Variants in KCNQ1 observed in about 807,000 individuals in gnomAD.
KCNQ1 encodes the protein potassium voltage-gated channel subfamily Q member 1.
KCNQ1 carries 49 observed loss-of-function variants against 72.4 expected under a neutral mutation model. The observed-to-expected ratio is 0.68, with a 90% CI of 0.54 to 0.86. The LOEUF is 0.86. Ranked by LOEUF, KCNQ1 falls within the 40% of genes least tolerant of loss-of-function variation. KCNQ1 has a pLI of 0.00. For missense variants in KCNQ1, 790 were observed against 945.1 expected (o/e 0.84, Z 2.15); for synonymous variants, 450 against 412.6 (o/e 1.09, Z -1.10).
In KCNQ1 at chr11:2,776,925, A is replaced by G. The variant is rs1403967822; in HGVS notation, c.1686-61A>G. ...CGTCAAGCTGTCTGTCCCACAGACGACAGTGCATCTGCGCAGTGCCAGGGC... is the reference window on the plus strand; with the variant it reads ...CGTCAAGCTGTCTGTCCCACAGACGGCAGTGCATCTGCGCAGTGCCAGGGC... On this transcript the variant is annotated intron_variant, in intron 13 of 15. Coordinates refer to ENST00000155840, the MANE Select transcript of KCNQ1 (RefSeq NM_000218.3). The G allele has an allele frequency of 3.3e-6, 5 of 1,508,764 alleles. No individual in the cohort carries two copies. In the East Asian group the frequency reaches 1.1e-4, roughly 34 times the overall value. 93.5% of individuals were successfully genotyped at this position (1,508,764 alleles called of 1,614,324 possible). A position where few individuals can be genotyped will look rare whatever the true frequency, so the allele number is the denominator to read the frequency against.
chr11:2,546,670 ATTCT>A (rs752656475), intron 2 of KCNQ1, among the ~76,000 whole-genome samples: 22 of 151,898 alleles, frequency 1.4e-4, no homozygotes, highest in Non-Finnish European at 3.1e-4. Context: ...AATTATTTAC[ATTCT>A]TTATTTTTCA....
At chr11:2,705,500 A>C (rs1850893948) in intron 11 of KCNQ1, among the ~76,000 whole-genome samples, 2 of 152,272 alleles carry the variant, frequency 1.3e-5, no homozygotes, top group South Asian at 4.1e-4. Context: ...AAATGAAGTG[A>C]ACTGGGCCTG....
chr11:2,455,305 A>G (rs577632434), intron 1 of KCNQ1, among the ~76,000 whole-genome samples: 7 of 151,708 alleles, frequency 4.6e-5, no homozygotes, highest in South Asian at 4.2e-4. Flanking sequence ...TCACCGTGTT[A>G]GCCAGGATGG....
intron 11 of KCNQ1, among the ~76,000 whole-genome samples, chr11:2,721,337 CTTT>C (rs1851199576): frequency 6.6e-6 from 1 of 152,180 alleles, no homozygotes; most frequent in African/African-American, 2.4e-5. Context: ...CCTCTGCAGC[CTTT>C]GTTCAGAGGC....
intron 15 of KCNQ1, among the ~76,000 whole-genome samples, chr11:2,790,937 T>C (rs1451365403): frequency 6.6e-6 from 1 of 151,952 alleles, no homozygotes; most frequent in Non-Finnish European, 1.5e-5. Context: ...CCTGCTTCTC[T>C]TACCCTCAGC....
rs868627300 is a variant in KCNQ1, at chr11:2,830,516, A to C, written c.1795-17251A>C. Among the ~76,000 whole-genome samples, 5 of 152,086 alleles carry C rather than the reference A, an allele frequency of 3.3e-5. No individual in the cohort carries two copies. The highest frequency in any genetic ancestry group is 7.2e-5 in the African/African-American group (3 of 41,416). ...CCCACACCCCAGTCCCAGTGTCCCA[A>C]GAACCTCTTCCTCCAGCCCCGGGAG... On this transcript the variant is annotated intron_variant, in intron 15 of 15. Transcript: ENST00000155840. This position sits in a 1 kb window ranked among gnomAD's most constrained non-coding sequence, Gnocchi z 7.7.
rs1847770970 is a variant in KCNQ1 at position 2,538,409 on chromosome 11, G to C, written c.477+10391G>C. Among the ~76,000 whole-genome samples, 1 of 152,220 alleles carries C rather than the reference G, an allele frequency of 6.6e-6. No individual in the cohort carries two copies. Among genetic ancestry groups the C allele is most frequent in the African/African-American group, 2.4e-5 (1 of 41,452 alleles). ...GCCCCTCTGTGGGGCCCAGGGCAGA[G>C]GCAGCAGGCAGGCTGTCTCCACCAC... is the stretch of plus-strand genomic sequence containing the variant. On this transcript the variant is annotated intron_variant, in intron 2 of 15. Coordinates refer to ENST00000155840, the MANE Select transcript of KCNQ1 (RefSeq NM_000218.3). The surrounding 1 kb of genome is among the most constrained non-coding windows in gnomAD (Gnocchi z 6.7).
Position 2,813,780 on chromosome 11 carries a change from G to A in KCNQ1, c.1795-33987G>A, listed in dbSNP as rs138727107. Among the ~76,000 whole-genome samples, 15 of 152,196 alleles carry A rather than the reference G, an allele frequency of 9.9e-5. No individual in the cohort carries two copies. In the East Asian group the frequency reaches 1.9e-3, roughly 20 times the overall value. On this transcript the variant is annotated intron_variant, in intron 15 of 15. Coordinates refer to ENST00000155840, the MANE Select transcript of KCNQ1 (RefSeq NM_000218.3). The surrounding 1 kb of genome is among the most constrained non-coding windows in gnomAD (Gnocchi z 4.4). ...CACTGCTTGTGGAAAGAATGAGGGCGGGCACATAGGCCTGGGGTGTGGGGA... is the reference window on the plus strand; with the variant it reads ...CACTGCTTGTGGAAAGAATGAGGGCAGGCACATAGGCCTGGGGTGTGGGGA...
In KCNQ1 at chr11:2,677,344, C is replaced by T. The variant is rs1294102877; in HGVS notation, c.1514+15263C>T. ...TGTCAAATGATTTCTCAAATAGAGA[C>T]TGGGCAGAGTAGACCAGTTAGTTAA... On this transcript the variant is annotated intron_variant, in intron 11 of 15. Coordinates refer to ENST00000155840, the MANE Select transcript of KCNQ1 (RefSeq NM_000218.3). This position sits in a 1 kb window ranked among gnomAD's most constrained non-coding sequence, Gnocchi z 4.5. The T allele has an allele frequency of 2.5e-6, 1 of 398,462 alleles. No individual in the cohort carries two copies. The highest frequency in any genetic ancestry group is 4.4e-6 in the Non-Finnish European group (1 of 226,048). 24.7% of individuals were successfully genotyped at this position (398,462 alleles called of 1,614,324 possible).
In KCNQ1 at chr11:2,746,438, CCCAGGGTCCCAT is replaced by C. The variant is rs1846139345; in HGVS notation, c.1515-22405_1515-22394del. ...GTCTTTTTTCTCTCCCCGGGCCCCA[CCCAGGGTCCCAT>C]GTGACATTCCTCATCCGTCTCCCTG... On this transcript the variant is annotated intron_variant, in intron 11 of 15. Transcript: ENST00000155840. The surrounding 1 kb of genome is among the most constrained non-coding windows in gnomAD (Gnocchi z 5.9). 6.6e-6 allele frequency among the ~76,000 whole-genome samples: 1 copy of C among 152,174 alleles called. No individual in the cohort carries two copies. The highest frequency in any genetic ancestry group is 2.4e-5 in the African/African-American group (1 of 41,444).
chr11:2,507,369 G>A lies in KCNQ1; in HGVS notation c.387-20559G>A, dbSNP rs779835621. 1.3e-5 allele frequency among the ~76,000 whole-genome samples: 2 copies of A among 152,152 alleles called. No individual in the cohort carries two copies. Among genetic ancestry groups the A allele is most frequent in the South Asian group, 2.1e-4 (1 of 4,826 alleles). ...GGTCATCGGGCAGGACACGAGATGC[G>A]CAGGAGGCTGTGACTGAGGTGGCTG... On this transcript the variant is annotated intron_variant, in intron 1 of 15. Transcript: ENST00000155840. The surrounding 1 kb of genome is among the most constrained non-coding windows in gnomAD (Gnocchi z 5.4).
In KCNQ1 at chr11:2,608,898, C is replaced by T. The variant is rs181135470; in HGVS notation, c.1393+20044C>T. On this transcript the variant is annotated intron_variant, in intron 10 of 15. Coordinates refer to ENST00000155840, the MANE Select transcript of KCNQ1 (RefSeq NM_000218.3). The surrounding 1 kb of genome is among the most constrained non-coding windows in gnomAD (Gnocchi z 4.6). ...CACTTCCCTCTCTGTCTTTCCTCCT[C>T]CCCCTCTTTCTTCCTCCCCTTCTTT... 4 of 398,342 alleles carry T rather than the reference C, an allele frequency of 1.0e-5. No individual in the cohort carries two copies. The highest frequency in any genetic ancestry group is 8.2e-5 in the African/African-American group (4 of 48,668). The allele number at this position is 398,342 out of a possible 1,614,324, so 24.7% of individuals were successfully genotyped here.
At chr11:2,639,004 A>G (rs1286001494) in intron 10 of KCNQ1, 1 of 152,182 alleles carries the variant, frequency 6.6e-6, no homozygotes, top group Non-Finnish European at 1.5e-5. Context: ...AGTTGATCAA[A>G]TCGGCTACTG....
chr11:2,603,131 G>A lies in KCNQ1; in HGVS notation c.1393+14277G>A, dbSNP rs1052655675. On this transcript the variant is annotated intron_variant, in intron 10 of 15. Coordinates refer to ENST00000155840, the MANE Select transcript of KCNQ1 (RefSeq NM_000218.3). The surrounding 1 kb of genome is among the most constrained non-coding windows in gnomAD (Gnocchi z 4.1). ...TCAGAGATATTGTGGTTCGGTTCCA[G>A]TACACTGCAATGAAGCAAATATTGC... 2.6e-5 allele frequency among the ~76,000 whole-genome samples: 4 copies of A among 152,172 alleles called. No individual in the cohort carries two copies. The highest frequency in any genetic ancestry group is 5.9e-5 in the Non-Finnish European group (4 of 68,030).
In KCNQ1 at chr11:2,494,407, G is replaced by C. The variant is rs973799699; in HGVS notation, c.387-33521G>C. Among the ~76,000 whole-genome samples, 1 of 152,124 alleles carries C rather than the reference G, an allele frequency of 6.6e-6. No homozygotes were observed. Among genetic ancestry groups the C allele is most frequent in the African/African-American group, 2.4e-5 (1 of 41,416 alleles). Reference sequence around the variant, plus strand: ...TGTTGAATGGGAGTGGTGAGAGAGGGCATCCTTGTCTTGTGCTGGTTTTCA... The same window carrying C: ...TGTTGAATGGGAGTGGTGAGAGAGGCCATCCTTGTCTTGTGCTGGTTTTCA... On this transcript the variant is annotated intron_variant, in intron 1 of 15. Transcript: ENST00000155840. This position sits in a 1 kb window ranked among gnomAD's most constrained non-coding sequence, Gnocchi z 4.6.
chr11:2,831,552 C>G (rs1378897201), intron 15 of KCNQ1, among the ~76,000 whole-genome samples: 1 of 152,102 alleles, frequency 6.6e-6, no homozygotes, highest in African/African-American at 2.4e-5. Flanking sequence ...TGATCCTTCT[C>G]TAGACTTCAG....
intron 11 of KCNQ1, among the ~76,000 whole-genome samples, chr11:2,739,841 G>A (rs1846021707): frequency 6.6e-6 from 1 of 152,248 alleles, no homozygotes; most frequent in African/African-American, 2.4e-5. Flanking sequence ...AAGCCTTTCT[G>A]CAGATGTAGC....
chr11:2,840,505 A>C (rs1474031563), intron 15 of KCNQ1: 2 of 140,210 alleles, frequency 1.4e-5, no homozygotes, highest in East Asian at 8.8e-4. Flanking sequence ...TAGGGGGTAA[A>C]ACACAAATCA....
At chr11:2,778,722 C>G (rs954270834) in intron 15 of KCNQ1, among the ~76,000 whole-genome samples, 1 of 152,242 alleles carries the variant, frequency 6.6e-6, no homozygotes, top group Non-Finnish European at 1.5e-5. Flanking sequence ...GTTATCTTGC[C>G]GAACAGCAAG....
Sources: gnomAD v4.1 joint callset for allele counts (sites outside exome capture counted in the v4.1 genomes callset) on GRCh38, gnomAD v4.1.1 for gene constraint, Gnocchi (gnomAD v3.1) non-coding constraint, MANE v1.5 for transcripts, NCBI Gene and HGNC (gene_info 2026-07-23, HGNC 2026-07-21) for gene names.